Variants in LYPLAL1 observed in about 807,000 individuals in gnomAD.
The protein encoded by LYPLAL1 is lysophospholipase-like protein 1.
In LYPLAL1, 23 loss-of-function variants were observed where a neutral mutation model predicts 19.7. That is an observed-to-expected ratio of 1.17 (90% CI 0.84 to 1.65). The LOEUF (loss-of-function observed/expected upper bound fraction) is 1.65. LYPLAL1 is among the 40% of genes most tolerant of loss of function. LYPLAL1 has a pLI of 0.00. For missense variants in LYPLAL1, 355 were observed against 279.4 expected (o/e 1.27, Z -1.93); for synonymous variants, 119 against 96.3 (o/e 1.24, Z -1.38).
intron 2 of LYPLAL1, 33 bp downstream of exon 2, chr1:219,179,279 ACT>A: frequency 2.1e-6 from 3 of 1,441,492 alleles, no homozygotes; most frequent in Admixed American, 1.7e-5. Flanking sequence ...TGTCAATATA[ACT>A]CTGTGGCATA....
chr1:219,397,698 T>C, the LYPLAL1 span, among the ~76,000 whole-genome samples: 1 of 152,224 alleles, frequency 6.6e-6, no homozygotes. Context: ...GTAACAATCT[T>C]TCCTTTCTAT....
chr1:219,370,657 T>C, the LYPLAL1 span, among the ~76,000 whole-genome samples: 1 of 152,226 alleles, frequency 6.6e-6, no homozygotes, highest in Non-Finnish European at 1.5e-5. Flanking sequence ...GTGAAAAGTC[T>C]TGAGTCTAAG....
the LYPLAL1 span, among the ~76,000 whole-genome samples, chr1:219,384,276 G>T: frequency 1.3e-5 from 2 of 152,208 alleles, no homozygotes; most frequent in East Asian, 3.8e-4. Flanking sequence ...ATGGGTAAAG[G>T]AAACTGTTGA....
the LYPLAL1 span, among the ~76,000 whole-genome samples, chr1:219,354,427 C>G: frequency 1.3e-5 from 2 of 152,156 alleles, 1 homozygote; most frequent in Non-Finnish European, 2.9e-5. Context: ...AACTCCTGAC[C>G]TCAAGTAATC....
At chr1:219,440,983 A>G in the LYPLAL1 span, among the ~76,000 whole-genome samples, 2 of 152,210 alleles carry the variant, frequency 1.3e-5, no homozygotes, top group Admixed American at 1.3e-4. Context: ...GGTGAATGTG[A>G]TTGAGCCTCT....
chr1:219,375,361 G>A, the LYPLAL1 span, among the ~76,000 whole-genome samples: 1 of 152,008 alleles, frequency 6.6e-6, no homozygotes, highest in South Asian at 2.1e-4. Context: ...AGCTACTCAG[G>A]AGGCTGAGGC....
chr1:219,327,971 T>C, the LYPLAL1 span, among the ~76,000 whole-genome samples: 1 of 152,124 alleles, frequency 6.6e-6, no homozygotes, highest in African/African-American at 2.4e-5. Context: ...GAAAATGGAC[T>C]AATACATAGG....
chr1:219,242,121 C>T, the LYPLAL1 span, among the ~76,000 whole-genome samples: 11 of 152,024 alleles, frequency 7.2e-5, no homozygotes, highest in Non-Finnish European at 1.5e-4. Flanking sequence ...GGTAAGGCAT[C>T]AAAGTGAGAA....
the LYPLAL1 span, among the ~76,000 whole-genome samples, chr1:219,356,958 T>A: frequency 1.3e-5 from 2 of 152,200 alleles, no homozygotes; most frequent in Non-Finnish European, 2.9e-5. Context: ...TAATTATACT[T>A]GTTAATATCA....
At chr1:219,290,593 T>C in the LYPLAL1 span, among the ~76,000 whole-genome samples, 3 of 152,196 alleles carry the variant, frequency 2.0e-5, no homozygotes, top group African/African-American at 7.2e-5. Flanking sequence ...TTATCCTATA[T>C]ATAAACAAGT....
chr1:219,330,613 A>T, the LYPLAL1 span, among the ~76,000 whole-genome samples: 2 of 152,230 alleles, frequency 1.3e-5, no homozygotes. Flanking sequence ...ATTCAATTGT[A>T]TGCTAAGCTA....
the LYPLAL1 span, among the ~76,000 whole-genome samples, chr1:219,311,534 GT>G: frequency 0.1 from 14,511 of 144,930 alleles, 781 homozygotes; most frequent in African/African-American, 0.11. Flanking sequence ...TGTTGTAGGT[GT>G]TTTTTTTTTT....
At chr1:219,310,972 A>G in the LYPLAL1 span, among the ~76,000 whole-genome samples, 64 of 152,344 alleles carry the variant, frequency 4.2e-4, no homozygotes, top group South Asian at 0.012. Context: ...CATTTAGCAC[A>G]GTTCCTGGCT....
the LYPLAL1 span, among the ~76,000 whole-genome samples, chr1:219,349,751 A>G: frequency 6.6e-6 from 1 of 152,178 alleles, no homozygotes; most frequent in Admixed American, 6.5e-5. Context: ...ACAAAATGGT[A>G]CATTGGATAA....
chr1:219,174,222 G>A (rs1655615300), intron 1 of LYPLAL1: 2 of 1,391,440 alleles, frequency 1.4e-6, no homozygotes, highest in African/African-American at 1.5e-5. Flanking sequence ...GGGGCCTTGT[G>A]TCCCGCCGCT....
chr1:219,239,524 A>C, the LYPLAL1 span, among the ~76,000 whole-genome samples: 3 of 152,202 alleles, frequency 2.0e-5, no homozygotes, highest in Non-Finnish European at 2.9e-5. Flanking sequence ...TATAGAGAAA[A>C]ATTTTTGTTC....
At chr1:219,348,581 A>G in the LYPLAL1 span, among the ~76,000 whole-genome samples, 1 of 152,108 alleles carries the variant, frequency 6.6e-6, no homozygotes, top group Non-Finnish European at 1.5e-5. Context: ...TTGAGTACTG[A>G]TATACTCGAC....
At chr1:219,185,738 C>T (rs535494516) in intron 2 of LYPLAL1, among the ~76,000 whole-genome samples, 1 of 151,948 alleles carries the variant, frequency 6.6e-6, no homozygotes, top group Admixed American at 6.6e-5. Flanking sequence ...TGGCATAATG[C>T]TGGATATTAA....
the LYPLAL1 span, among the ~76,000 whole-genome samples, chr1:219,259,698 G>C: frequency 6.6e-6 from 1 of 151,244 alleles, no homozygotes; most frequent in African/African-American, 2.4e-5. Context: ...GGGTACACTG[G>C]TCAGGTGTTG....
Sources: gnomAD v4.1 joint callset for allele counts (sites outside exome capture counted in the v4.1 genomes callset) on GRCh38, gnomAD v4.1.1 for gene constraint, MANE v1.5 for transcripts, NCBI Gene and HGNC (gene_info 2026-07-23, HGNC 2026-07-21) for gene names.